RIN3: variants seen among roughly 807,000 people sequenced by gnomAD.
RIN3 encodes RAB5 interacting protein 3.
A neutral mutation model predicts 76.3 loss-of-function variants in RIN3; 54 were observed. That is an observed-to-expected ratio of 0.71 (90% CI 0.57 to 0.89). The LOEUF is 0.89. Among genes scored for constraint, RIN3 ranks in the 40% least tolerant of loss-of-function variants. RIN3 has a pLI of 0.00. For synonymous variants in RIN3, 576 were observed against 564.0 expected (o/e 1.02, Z -0.30); for missense variants, 1,256 against 1,322.1 (o/e 0.95, Z 0.78).
chr14:92,683,650 C>A (rs1243754327), intron 8 of RIN3, among the ~76,000 whole-genome samples: 1 of 152,094 alleles, frequency 6.6e-6, no homozygotes, highest in Non-Finnish European at 1.5e-5. Context: ...TAGCTAGACC[C>A]CTTCTCTATA....
chr14:92,686,855 A>C (rs1888874966), intron 9 of RIN3: 1 of 152,414 alleles, frequency 6.6e-6, no homozygotes, highest in South Asian at 2.1e-4. Context: ...TGGGAGGCCT[A>C]ATGGAGGACA....
chr14:92,520,931 C>T (rs534046842), intron 1 of RIN3, among the ~76,000 whole-genome samples: 1 of 149,566 alleles, frequency 6.7e-6, no homozygotes, highest in South Asian at 2.1e-4. Context: ...TATCTCTCTA[C>T]CGATGGCATC....
intron 3 of RIN3, among the ~76,000 whole-genome samples, chr14:92,597,566 C>T (rs1353189394): frequency 6.6e-6 from 1 of 152,206 alleles, no homozygotes; most frequent in Non-Finnish European, 1.5e-5. Context: ...TGAGCCTCTT[C>T]AATCTCAGTT....
chr14:92,537,634 C>CTTTTTTGTTTTTTTTTTT, intron 1 of RIN3, among the ~76,000 whole-genome samples: 1 of 51,628 alleles, frequency 1.9e-5, no homozygotes. Flanking sequence ...GCCTTAGGGA[C>CTTTTTTGTTTTTTTTTTT]TTTTTTTTTT....
chr14:92,571,990 G>A (rs1169875787), intron 2 of RIN3, among the ~76,000 whole-genome samples: 2 of 152,152 alleles, frequency 1.3e-5, no homozygotes, highest in Non-Finnish European at 2.9e-5. Context: ...GAGAGACCGA[G>A]GCAAGTTTTA....
At chr14:92,522,054 T>C (rs1261995608) in intron 1 of RIN3, among the ~76,000 whole-genome samples, 1 of 152,026 alleles carries the variant, frequency 6.6e-6, no homozygotes, top group Non-Finnish European at 1.5e-5. Flanking sequence ...GAAGATTCCA[T>C]GTGTGATGGG....
At chr14:92,677,186 TC>T (rs374879153) in intron 8 of RIN3, among the ~76,000 whole-genome samples, 9 of 152,272 alleles carry the variant, frequency 5.9e-5, no homozygotes, top group African/African-American at 2.2e-4. Flanking sequence ...AGCCCTGTGC[TC>T]CCCAATAGGA....
intron 3 of RIN3, among the ~76,000 whole-genome samples, chr14:92,586,762 G>T (rs1426339660): frequency 6.6e-6 from 1 of 152,144 alleles, no homozygotes; most frequent in Admixed American, 6.5e-5. Flanking sequence ...GGAGAGACAG[G>T]CTCATGCATA....
rs562568023 is a variant in RIN3 at position 92,656,401 on chromosome 14, C to T, written c.2027-2760C>T. On this transcript the variant is annotated intron_variant, in intron 6 of 9. Transcript: ENST00000216487. The surrounding 1 kb of genome is among the most constrained non-coding windows in gnomAD (Gnocchi z 5.2). ...GAGGAGAGGGGACAAGACAGGGGGA[C>T]GGCTCAGGAGGCTGCGGCGGGGCAA... Among the ~76,000 whole-genome samples, 7 of 152,174 alleles carry T rather than the reference C, an allele frequency of 4.6e-5. No individual in the cohort carries two copies. Among genetic ancestry groups the T allele is most frequent in the South Asian group, 2.1e-4 (1 of 4,826 alleles).
intron 4 of RIN3, among the ~76,000 whole-genome samples, chr14:92,618,581 A>G (rs918804283): frequency 3.9e-5 from 6 of 152,246 alleles, no homozygotes; most frequent in Admixed American, 3.3e-4. Context: ...ATAATAATCT[A>G]CTGTTATAAC....
At chr14:92,684,741 C>T (rs1888787612) in intron 8 of RIN3, among the ~76,000 whole-genome samples, 2 of 152,012 alleles carry the variant, frequency 1.3e-5, no homozygotes, top group South Asian at 2.1e-4. Context: ...GAGTTTCGTC[C>T]CCAAGGGGAG....
intron 7 of RIN3, among the ~76,000 whole-genome samples, chr14:92,663,317 A>G (rs1887955803): frequency 6.6e-6 from 1 of 152,204 alleles, no homozygotes; most frequent in Non-Finnish European, 1.5e-5. Context: ...CGAGGAAGGA[A>G]TGGCTCATTT....
At chr14:92,655,749 G>A (rs933420200) in intron 6 of RIN3, among the ~76,000 whole-genome samples, 7 of 152,248 alleles carry the variant, frequency 4.6e-5, no homozygotes, top group African/African-American at 1.7e-4. Flanking sequence ...GGAGCCACAG[G>A]ACTGGCTGGA....
chr14:92,515,254 G>C (rs1566822688), intron 1 of RIN3: 7 of 700,230 alleles, frequency 1.0e-5, no homozygotes, highest in Non-Finnish European at 1.8e-5. Flanking sequence ...GAATCCGTTG[G>C]GGAAGAGCCC....
chr14:92,520,943 G>A (rs1896581715), intron 1 of RIN3, among the ~76,000 whole-genome samples: 1 of 151,624 alleles, frequency 6.6e-6, no homozygotes, highest in Non-Finnish European at 1.5e-5. Context: ...GATGGCATCT[G>A]GTGACAGCAT....
intron 3 of RIN3, among the ~76,000 whole-genome samples, chr14:92,588,722 G>T (rs1884871002): frequency 6.6e-6 from 1 of 152,096 alleles, no homozygotes; most frequent in African/African-American, 2.4e-5. Context: ...CAACATCTGG[G>T]CAATCACCTT....
chr14:92,654,893 G>A (rs1181240812), intron 6 of RIN3, among the ~76,000 whole-genome samples: 2 of 152,180 alleles, frequency 1.3e-5, no homozygotes, highest in Admixed American at 6.5e-5. Context: ...GAGTAGGGCC[G>A]GGTGCAGTGG....
At chr14:92,547,042 TTTATTATA>T (rs1897284601) in intron 1 of RIN3, among the ~76,000 whole-genome samples, 3 of 135,096 alleles carry the variant, frequency 2.2e-5, no homozygotes, top group South Asian at 2.3e-4. Flanking sequence ...TTTATTTTAT[TTTATTATA>T]ATAAAATAAA....
chr14:92,668,979 A>G (rs1056733956), intron 7 of RIN3, among the ~76,000 whole-genome samples: 2 of 152,218 alleles, frequency 1.3e-5, no homozygotes, highest in Non-Finnish European at 2.9e-5. Context: ...CAACCGTTCA[A>G]CAAACTTTTT....
Sources: gnomAD v4.1 joint callset for allele counts (sites outside exome capture counted in the v4.1 genomes callset) on GRCh38, gnomAD v4.1.1 for gene constraint, Gnocchi (gnomAD v3.1) non-coding constraint, MANE v1.5 for transcripts, NCBI Gene and HGNC (gene_info 2026-07-23, HGNC 2026-07-21) for gene names.